EZH2: variants seen among roughly 807,000 people sequenced by gnomAD.
EZH2 encodes the protein enhancer of zeste 2 polycomb repressive complex 2 subunit, also known as histone-lysine N-methyltransferase EZH2.
EZH2 carries 18 observed loss-of-function variants against 98.4 expected under a neutral mutation model. That is an observed-to-expected ratio of 0.18 (90% CI 0.13 to 0.27). The LOEUF is 0.27. Ranked by LOEUF, EZH2 falls within the 10% of genes least tolerant of loss-of-function variation. EZH2 has a pLI of 1.00. For synonymous variants in EZH2, 338 were observed against 312.3 expected (o/e 1.08, Z -0.87); for missense variants, 470 against 935.1 (o/e 0.50, Z 6.49).
chr7:148,843,363 C>G (rs1010378253), intron 3 of EZH2, among the ~76,000 whole-genome samples: 2 of 151,846 alleles, frequency 1.3e-5, no homozygotes, highest in Non-Finnish European at 1.5e-5. Flanking sequence ...AGAGCAAGAC[C>G]CTGTCACAAA....
chr7:148,809,196 G>C (rs1250186111), intron 18 of EZH2, 41 bp from the exon 19 acceptor site: 2 of 1,595,482 alleles, frequency 1.3e-6, no homozygotes, highest in East Asian at 2.2e-5. Flanking sequence ...ATGAAGACGG[G>C]CCACGGGGGG....
chr7:148,824,327 A>AAC (rs1554495220), intron 8 of EZH2, among the ~76,000 whole-genome samples: 70 of 151,726 alleles, frequency 4.6e-4, no homozygotes, highest in African/African-American at 1.3e-3. Flanking sequence ...AAAAAAAAAA[A>AAC]AACAACAACA....
chr7:148,807,758 G>A (rs767954153), intron 19 of EZH2, 52 bp from the exon 20 acceptor site: 15 of 1,261,668 alleles, frequency 1.2e-5, no homozygotes, highest in Admixed American at 2.3e-5. Flanking sequence ...TCCAACATGT[G>A]CTGAGACTTA....
At chr7:148,811,189 C>T (rs1484835578) in intron 16 of EZH2, among the ~76,000 whole-genome samples, 1 of 152,090 alleles carries the variant, frequency 6.6e-6, no homozygotes, top group African/African-American at 2.4e-5. Flanking sequence ...TCGCCCAGGC[C>T]GGAGTGCAGT....
chr7:148,813,927 A>G (rs1367137605), intron 15 of EZH2, 32 bp downstream of exon 15: 3 of 1,596,006 alleles, frequency 1.9e-6, no homozygotes, highest in Non-Finnish European at 2.6e-6. Context: ...AGCTAACTAC[A>G]AACAATCTTC....
At chr7:148,847,989 T>G (rs191206202) in intron 1 of EZH2, among the ~76,000 whole-genome samples, 114 of 152,292 alleles carry the variant, frequency 7.5e-4, no homozygotes, top group Admixed American at 6.2e-3. Context: ...CAGAACCAAT[T>G]ATGTTTAAAT....
In EZH2 at chr7:148,820,906, A is replaced by G. The variant is rs562591710; in HGVS notation, c.908-1219T>C. On this transcript the variant is annotated intron_variant, in intron 8 of 19. Transcript: ENST00000320356. ...AAATCTCAAAACCTGGATGTAAAGA[A>G]TAATTTTCTAAAACTCATCCAGAAG... 7 of 152,340 alleles carry G rather than the reference A, an allele frequency of 4.6e-5. No homozygotes were observed. The East Asian group carries it at 5.8e-4, about 13-fold the overall frequency. 9.4% of individuals were successfully genotyped at this position (152,340 alleles called of 1,614,324 possible). A position where few individuals can be genotyped will look rare whatever the true frequency, so the allele number is the denominator to read the frequency against.
intron 4 of EZH2, among the ~76,000 whole-genome samples, chr7:148,832,173 C>T (rs1276592225): frequency 1.3e-5 from 2 of 152,224 alleles, no homozygotes; most frequent in African/African-American, 4.8e-5. Context: ...ACTACAACCT[C>T]CGCCTCCCTC....
chr7:148,860,641 G>A (rs1176249050), intron 1 of EZH2, among the ~76,000 whole-genome samples: 1 of 152,098 alleles, frequency 6.6e-6, no homozygotes, highest in Non-Finnish European at 1.5e-5. Context: ...TAATAGAAAT[G>A]AAAAACTAAA....
chr7:148,869,338 CTTTTTTTTTTT>C (rs143589780), intron 1 of EZH2, among the ~76,000 whole-genome samples: 1 of 80,290 alleles, frequency 1.2e-5, no homozygotes, highest in Non-Finnish European at 2.3e-5. Flanking sequence ...CAGCAATAGC[CTTTTTTTTTTT>C]TTTTTTTTTT....
intron 10 of EZH2, 61 bp from the exon 11 acceptor site, chr7:148,817,452 A>G (rs998783213): frequency 2.6e-6 from 4 of 1,533,550 alleles, no homozygotes; most frequent in African/African-American, 2.8e-5. Flanking sequence ...AAGAAGTACA[A>G]TTCAGGGTGT....
At position 148,811,670 on chromosome 7, in the gene EZH2, T is replaced by A. The variant is rs2129469037; in HGVS notation, c.1902A>T (p.Lys634Asn). The A allele has an allele frequency of 1.2e-6, 2 of 1,613,736 alleles. No homozygotes were observed. Among genetic ancestry groups the A allele is most frequent in the Non-Finnish European group, 1.7e-6 (2 of 1,180,036 alleles). Residue 634 changes from lysine (K) to asparagine (N), a missense_variant, in exon 16 of 20, where the codon AAA becomes AAT. Coordinates refer to ENST00000320356, the MANE Select transcript of EZH2 (RefSeq NM_004456.5). Reference sequence around the variant, plus strand: ...TGAATTCATTTTTCTGCACAGGATCTTTGATAAAAATCCCCCAGCCTGCCA... The same window carrying A: ...TGAATTCATTTTTCTGCACAGGATCATTGATAAAAATCCCCCAGCCTGCCA... ...SDVAGWGIFI[K>N]DPVQKNEFIS...
chr7:148,850,352 TTGA>T (rs1363064050), intron 1 of EZH2: 5 of 303,848 alleles, frequency 1.6e-5, no homozygotes, highest in African/African-American at 1.1e-4. Flanking sequence ...ATTTTATGTC[TTGA>T]TGAAGACATT....
At chr7:148,865,509 G>A (rs1585257115) in intron 1 of EZH2, among the ~76,000 whole-genome samples, 1 of 152,166 alleles carries the variant, frequency 6.6e-6, no homozygotes, top group African/African-American at 2.4e-5. Flanking sequence ...CTCTCAGACT[G>A]AAGATATTTA....
At chr7:148,863,331 A>G (rs566388491) in intron 1 of EZH2, among the ~76,000 whole-genome samples, 1 of 152,306 alleles carries the variant, frequency 6.6e-6, no homozygotes, top group African/African-American at 2.4e-5. Flanking sequence ...AAACAAGAGT[A>G]TATGTGAAGA....
chr7:148,827,323 TTC>T (rs1223481637), intron 6 of EZH2, 57 bp from the exon 7 acceptor site: 1 of 1,337,584 alleles, frequency 7.5e-7, no homozygotes, highest in Non-Finnish European at 1.1e-6. Context: ...TTTTTGATCT[TTC>T]ATTTTCTCTA....
At chr7:148,866,419 G>A (rs536939574) in intron 1 of EZH2, among the ~76,000 whole-genome samples, 48 of 151,278 alleles carry the variant, frequency 3.2e-4, no homozygotes, top group African/African-American at 1.1e-3. Flanking sequence ...GCTATAAGAG[G>A]ACACAGTAAG....
chr7:148,870,312 G>T (rs972180508), intron 1 of EZH2, among the ~76,000 whole-genome samples: 19 of 152,126 alleles, frequency 1.2e-4, no homozygotes, highest in African/African-American at 3.4e-4. Context: ...AATTTTGCTT[G>T]CATTATTAAT....
chr7:148,807,814 T>TTAA (rs1491288678), intron 19 of EZH2, 108 bp from the exon 20 acceptor site: 1 of 374,262 alleles, frequency 2.7e-6, no homozygotes, highest in African/African-American at 2.3e-5. Flanking sequence ...AAAATGTCTT[T>TTAA]AAAAAAAAAA....
Sources: allele counts gnomAD v4.1 joint callset (sites outside exome capture counted in the v4.1 genomes callset), GRCh38; gene constraint gnomAD v4.1.1; transcripts MANE v1.5; gene names NCBI Gene and HGNC (gene_info 2026-07-23, HGNC 2026-07-21).